SFI1: variants seen among roughly 807,000 people sequenced by gnomAD.
SFI1 encodes the protein protein SFI1 homolog.
Under a neutral mutation model 207.5 loss-of-function variants are expected in SFI1, and 195 were observed. The ratio of observed to expected loss-of-function variants is 0.94; its 90% CI spans 0.84 to 1.06. SFI1 has a LOEUF of 1.06. Among genes scored for constraint, SFI1 ranks in the 50% least tolerant of loss-of-function variants. The pLI is 0.00. For synonymous variants in SFI1, 630 were observed against 598.9 expected, an observed-to-expected ratio of 1.05 and a Z score of -0.76; for missense variants, 1,634 against 1,588.0, an observed-to-expected ratio of 1.03 and a Z score of -0.49.
chr22:31,616,677 C>T (rs2147471350), intron 29 of SFI1, 68 bp from the exon 30 acceptor site: 2 of 1,491,636 alleles, frequency 1.3e-6, no homozygotes, highest in Non-Finnish European at 1.8e-6. Flanking sequence ...GTGACAAGGA[C>T]TTGGTGTCCC....
intron 15 of SFI1, among the ~76,000 whole-genome samples, chr22:31,598,078 T>C (rs1030421561): frequency 7.3e-5 from 11 of 151,576 alleles, no homozygotes; most frequent in African/African-American, 1.9e-4. Context: ...TCTGGGTTCA[T>C]GCCATTCTCC....
intron 2 of SFI1, among the ~76,000 whole-genome samples, chr22:31,509,577 A>C (rs1329571762): frequency 6.6e-6 from 1 of 152,154 alleles, no homozygotes. Context: ...GATGGTGCCC[A>C]CCCACATTGT....
chr22:31,555,324 C>CA (rs1602624363), intron 6 of SFI1, among the ~76,000 whole-genome samples: 1 of 152,012 alleles, frequency 6.6e-6, no homozygotes, highest in South Asian at 2.1e-4. Flanking sequence ...CTCATCTCTA[C>CA]AAAAAAATAC....
intron 2 of SFI1, among the ~76,000 whole-genome samples, chr22:31,512,723 G>A (rs899452608): frequency 2.0e-5 from 3 of 150,648 alleles, no homozygotes; most frequent in Admixed American, 1.3e-4. Flanking sequence ...GTCTAGCTCT[G>A]TTGCCCAGGC....
intron 7 of SFI1, among the ~76,000 whole-genome samples, chr22:31,560,852 C>T: frequency 6.6e-6 from 1 of 152,102 alleles, no homozygotes; most frequent in East Asian, 1.9e-4. Flanking sequence ...CAGGAGCATG[C>T]CACTACCACC....
At chr22:31,512,224 A>C (rs1343141816) in intron 2 of SFI1, among the ~76,000 whole-genome samples, 1 of 151,788 alleles carries the variant, frequency 6.6e-6, no homozygotes, top group Non-Finnish European at 1.5e-5. Flanking sequence ...GTGTGGTGGC[A>C]CATGTCTGTA....
intron 2 of SFI1, among the ~76,000 whole-genome samples, chr22:31,520,074 T>C (rs2057031628): frequency 6.6e-6 from 1 of 151,884 alleles, no homozygotes. Context: ...CCAAAAATTA[T>C]TTACTGATAA....
At chr22:31,521,619 G>A (rs181824245) in intron 2 of SFI1, 1 of 152,142 alleles carries the variant, frequency 6.6e-6, no homozygotes, top group Non-Finnish European at 1.5e-5. Flanking sequence ...GCTCAAACAA[G>A]GCAGAGAAAG....
At chr22:31,568,096 T>C (rs2062510690) in intron 8 of SFI1, among the ~76,000 whole-genome samples, 1 of 151,410 alleles carries the variant, frequency 6.6e-6, no homozygotes, top group Non-Finnish European at 1.5e-5. Context: ...ATTACAAGTA[T>C]AAAAAGCAAA....
At chr22:31,532,760 T>C (rs1219869207) in intron 4 of SFI1, among the ~76,000 whole-genome samples, 2 of 152,164 alleles carry the variant, frequency 1.3e-5, no homozygotes, top group African/African-American at 2.4e-5. Context: ...ATTCTGCCCA[T>C]GTGTGGTAAA....
intron 5 of SFI1, among the ~76,000 whole-genome samples, chr22:31,547,288 A>G (rs1815423350): frequency 6.6e-6 from 1 of 152,064 alleles, no homozygotes; most frequent in African/African-American, 2.4e-5. Flanking sequence ...TTCTGAAAGT[A>G]TTCTGGGTTT....
intron 15 of SFI1, among the ~76,000 whole-genome samples, chr22:31,598,715 C>CTTTTTTTT (rs1215038400): frequency 1.4e-3 from 3 of 2,096 alleles, no homozygotes; most frequent in Non-Finnish European, 2.0e-3. Flanking sequence ...CTGCGCCTGG[C>CTTTTTTTT]CTTTTTTTTT....
At chr22:31,592,730 G>T (rs1277781661) in intron 15 of SFI1, among the ~76,000 whole-genome samples, 1 of 93,482 alleles carries the variant, frequency 1.1e-5, no homozygotes, top group Admixed American at 9.3e-5. Flanking sequence ...GGGCAGAGGG[G>T]CTCCTCACTT....
intron 10 of SFI1, among the ~76,000 whole-genome samples, chr22:31,576,476 A>G (rs1398641402): frequency 6.6e-6 from 1 of 150,850 alleles, no homozygotes; most frequent in Non-Finnish European, 1.5e-5. Context: ...GGCCACCACC[A>G]TGCCCAGCTA....
At chr22:31,502,350 A>G (rs1268796475) in intron 1 of SFI1, among the ~76,000 whole-genome samples, 7 of 151,892 alleles carry the variant, frequency 4.6e-5, no homozygotes, top group African/African-American at 1.7e-4. Flanking sequence ...TTAGTTCTAG[A>G]TGAGGCTGGA....
intron 6 of SFI1, among the ~76,000 whole-genome samples, chr22:31,554,402 G>A (rs1432739831): frequency 4.6e-5 from 7 of 151,734 alleles, no homozygotes; most frequent in Middle Eastern, 3.4e-3. Context: ...TCCACCTCCC[G>A]GATTCACGCC....
intron 15 of SFI1, among the ~76,000 whole-genome samples, chr22:31,592,804 A>G (rs1464618274): frequency 0.032 from 1,410 of 44,136 alleles, no homozygotes; most frequent in Middle Eastern, 0.067. Context: ...GGCCGGGGGG[A>G]GGGCTGACCC....
chr22:31,593,802 C>T (rs756737174), intron 15 of SFI1, among the ~76,000 whole-genome samples: 6,317 of 148,706 alleles, frequency 0.042, 113 homozygotes, highest in African/African-American at 0.049. Context: ...GAGACCGGCC[C>T]GGCCAACACA....
chr22:31,502,473 A>C (rs1251692171), intron 1 of SFI1, among the ~76,000 whole-genome samples: 2 of 151,770 alleles, frequency 1.3e-5, no homozygotes, highest in Non-Finnish European at 2.9e-5. Flanking sequence ...TCCTGGGTTC[A>C]AGCGATTCTC....
Sources: allele counts gnomAD v4.1 joint callset (sites outside exome capture counted in the v4.1 genomes callset), GRCh38; gene constraint gnomAD v4.1.1; transcripts MANE v1.5; gene names NCBI Gene and HGNC (gene_info 2026-07-23, HGNC 2026-07-21).